The following TLN2 variants were observed in gnomAD, a reference collection of about 807,000 sequenced individuals.
TLN2 encodes talin-2.
TLN2 carries 118 observed loss-of-function variants against 294.7 expected under a neutral mutation model. That is an observed-to-expected ratio of 0.40 (90% confidence interval 0.34 to 0.47). The LOEUF is 0.47. TLN2 is among the 20% of genes least tolerant of loss of function. The probability of loss-of-function intolerance (pLI) is 0.84; values close to 1 mark genes in which losing one functional copy is unlikely to be tolerated. For synonymous variants in TLN2, 1,431 were observed against 1,304.5 expected (o/e 1.10, Z -2.09); for missense variants, 3,083 against 3,282.2 (o/e 0.94, Z 1.48).
chr15:62,681,462 C>T (rs959772184), intron 11 of TLN2, among the ~76,000 whole-genome samples: 1 of 152,186 alleles, frequency 6.6e-6, no homozygotes, highest in Admixed American at 6.5e-5. Context: ...GTTTCATGTG[C>T]TTAGAGCTGC....
rs145593887 is a variant in TLN2, at chr15:62,783,827, C to A, written c.5673C>A (p.Thr1891=). The change falls in exon 45 of 59, where the codon ACC becomes ACA. Residue 1891 remains threonine, a synonymous_variant. Coordinates refer to ENST00000636159, the MANE Select transcript of TLN2 (RefSeq NM_015059.3). The part of the protein sequence containing the change: ...EELGGLASQM[T]SDYGHLAFQG... ...TGGGAGGACTGGCTTCACAAATGAC[C>A]AGTGACTATGGGCACCTGGCTTTCC... 2.2e-4 allele frequency: 360 copies of A among 1,613,648 alleles called. 2 individuals carry two copies. The African/African-American group carries it at 4.3e-3, about 19-fold the overall frequency.
intron 1 of TLN2, among the ~76,000 whole-genome samples, chr15:62,564,631 G>A (rs2043232603): frequency 6.6e-6 from 1 of 152,054 alleles, no homozygotes; most frequent in Admixed American, 6.5e-5. Flanking sequence ...CCCAGGCCAG[G>A]CACAGTGGCT....
chr15:62,822,546 G>A (rs748224355), intron 54 of TLN2, among the ~76,000 whole-genome samples: 2 of 152,160 alleles, frequency 1.3e-5, no homozygotes, highest in East Asian at 1.9e-4. Flanking sequence ...GCCAGGGTCC[G>A]ACCACTGTCA....
At position 62,511,228 on chromosome 15, in the gene TLN2, C is replaced by T. The variant is rs114034998; in HGVS notation, c.-237-78459C>T. 1.2e-3 allele frequency among the ~76,000 whole-genome samples: 183 copies of T among 152,276 alleles called. 1 individual carries two copies. Among genetic ancestry groups the T allele is most frequent in the African/African-American group, 3.8e-3 (158 of 41,554 alleles). ...TGACATATGAACGTGGTAAAATATA[C>T]GGGCTTCCGATGAGTCTATTAGTGT... On this transcript the variant is annotated intron_variant, in intron 1 of 58. Transcript: ENST00000636159.
chr15:62,484,131 T>C (rs925870240), intron 1 of TLN2, among the ~76,000 whole-genome samples: 1 of 152,034 alleles, frequency 6.6e-6, no homozygotes, highest in East Asian at 1.9e-4. Flanking sequence ...TGGTGATTTG[T>C]AGGATCAGAG....
At chr15:62,590,185 G>C (rs1421141493) in intron 2 of TLN2, among the ~76,000 whole-genome samples, 1 of 151,940 alleles carries the variant, frequency 6.6e-6, no homozygotes, top group African/African-American at 2.4e-5. Flanking sequence ...TTAAGTTCAG[G>C]GTACATGGGC....
chr15:62,665,792 T>A (rs1441976798), intron 9 of TLN2, among the ~76,000 whole-genome samples: 1 of 152,214 alleles, frequency 6.6e-6, no homozygotes, highest in Non-Finnish European at 1.5e-5. Context: ...TTCAAACACA[T>A]ATTCCTCCTT....
In TLN2 at chr15:62,547,792, A is replaced by G. The variant is rs543775232; in HGVS notation, c.-237-41895A>G. Among the ~76,000 whole-genome samples, 17 of 152,322 alleles carry G rather than the reference A, an allele frequency of 1.1e-4. No homozygotes were observed. In the South Asian group the frequency reaches 3.5e-3, roughly 32 times the overall value. ...CCTGATAAATTTCTGATCCTCATCC[A>G]GCTGTTACTGCCAGTCTGGTTGTGA... On this transcript the variant is annotated intron_variant, in intron 1 of 58. Transcript: ENST00000636159.
At chr15:62,643,338 A>G (rs186258050) in intron 3 of TLN2, among the ~76,000 whole-genome samples, 346 of 151,098 alleles carry the variant, frequency 2.3e-3, no homozygotes, top group Middle Eastern at 0.014. Flanking sequence ...TGAGAAGGCA[A>G]CCCTGGGGCC....
chr15:62,415,168 C>G (rs958946516), intron 1 of TLN2, among the ~76,000 whole-genome samples: 3 of 141,300 alleles, frequency 2.1e-5, no homozygotes, highest in African/African-American at 7.6e-5. Context: ...CTCAGTTTCC[C>G]AAAGTGCTGG....
chr15:62,434,694 T>C (rs1385035340), intron 1 of TLN2, among the ~76,000 whole-genome samples: 1 of 152,256 alleles, frequency 6.6e-6, no homozygotes, highest in Non-Finnish European at 1.5e-5. Context: ...AGACTGCCTA[T>C]ATTTGCCAGT....
intron 11 of TLN2, among the ~76,000 whole-genome samples, chr15:62,675,712 C>T (rs750263240): frequency 1.3e-5 from 2 of 152,202 alleles, no homozygotes; most frequent in Admixed American, 6.5e-5. Flanking sequence ...GTGATAAATG[C>T]GATGCTTAAT....
intron 1 of TLN2, among the ~76,000 whole-genome samples, chr15:62,577,450 C>T (rs538844240): frequency 3.0e-4 from 46 of 152,168 alleles, no homozygotes; most frequent in Non-Finnish European, 5.7e-4. Flanking sequence ...ATCTCAAAAA[C>T]AAAACAAAAC....
chr15:62,641,299 C>A (rs2051068802), intron 3 of TLN2, among the ~76,000 whole-genome samples: 1 of 152,114 alleles, frequency 6.6e-6, no homozygotes, highest in South Asian at 2.1e-4. Context: ...TGTGCAACTC[C>A]CATGACTAAT....
intron 58 of TLN2, among the ~76,000 whole-genome samples, chr15:62,839,973 T>TAC (rs1322269913): frequency 2.9e-4 from 44 of 152,272 alleles, no homozygotes; most frequent in African/African-American, 1.0e-3. Flanking sequence ...TATCAGCAAG[T>TAC]CTTCCTCAGA....
chr15:62,564,923 A>ATATATATATATAT (rs1442472632), intron 1 of TLN2, among the ~76,000 whole-genome samples: 1 of 102,150 alleles, frequency 9.8e-6, no homozygotes, highest in African/African-American at 3.9e-5. Flanking sequence ...AAAAAAAAAA[A>ATATATATATATAT]AAATATATAT....
intron 1 of TLN2, among the ~76,000 whole-genome samples, chr15:62,422,916 G>A (rs529865543): frequency 6.6e-4 from 100 of 152,300 alleles, no homozygotes; most frequent in African/African-American, 2.3e-3. Flanking sequence ...CATGGGTGCT[G>A]TTTTTGAACA....
At chr15:62,402,211 C>G (rs2033076074) in intron 1 of TLN2, among the ~76,000 whole-genome samples, 1 of 152,310 alleles carries the variant, frequency 6.6e-6, no homozygotes, top group South Asian at 2.1e-4. Context: ...CAATAAGATG[C>G]TGTTTCTGAC....
chr15:62,410,612 C>T (rs376880526), intron 1 of TLN2, among the ~76,000 whole-genome samples: 17 of 152,286 alleles, frequency 1.1e-4, no homozygotes, highest in East Asian at 3.9e-4. Context: ...GCATTCTCTC[C>T]GTTAGTGCTT....
Sources: gnomAD v4.1 joint callset for allele counts (sites outside exome capture counted in the v4.1 genomes callset) on GRCh38, gnomAD v4.1.1 for gene constraint, MANE v1.5 for transcripts, NCBI Gene and HGNC (gene_info 2026-07-23, HGNC 2026-07-21) for gene names.